CTNNA3: variants seen among roughly 807,000 people sequenced by gnomAD.
The protein encoded by CTNNA3 is catenin alpha 3.
In CTNNA3, 76 loss-of-function variants were observed where a neutral mutation model predicts 95.7. The observed-to-expected ratio is 0.79, with a 90% CI of 0.66 to 0.96. The LOEUF (loss-of-function observed/expected upper bound fraction) is 0.96, where lower values mean the gene tolerates loss of function less well. CTNNA3 is among the 40% of genes least tolerant of loss of function. The probability of loss-of-function intolerance (pLI) is 0.00; values close to 1 mark genes in which losing one functional copy is unlikely to be tolerated. For synonymous variants in CTNNA3, 431 were observed against 374.4 expected (o/e 1.15, Z -1.74); for missense variants, 1,191 against 1,089.8 (o/e 1.09, Z -1.31).
chr10:66,775,329 T>TA, intron 8 of CTNNA3, 115 bp downstream of exon 8: 2 of 710,296 alleles, frequency 2.8e-6, no homozygotes, highest in Non-Finnish European at 4.7e-6. Flanking sequence ...TTACTCTTTT[T>TA]TTCCTGTTCT....
At chr10:67,357,586 C>T (rs1842854982) in intron 5 of CTNNA3, among the ~76,000 whole-genome samples, 1 of 152,098 alleles carries the variant, frequency 6.6e-6, no homozygotes. Flanking sequence ...AACACAACAT[C>T]ATAAATATGT....
chr10:67,333,623 A>G (rs1001110993), intron 5 of CTNNA3, among the ~76,000 whole-genome samples: 15 of 152,192 alleles, frequency 9.9e-5, no homozygotes, highest in African/African-American at 3.6e-4. Context: ...TGATTCTAAA[A>G]AGGCATGGAA....
At chr10:66,485,643 A>G (rs945340800) in intron 11 of CTNNA3, among the ~76,000 whole-genome samples, 6 of 152,302 alleles carry the variant, frequency 3.9e-5, no homozygotes, top group South Asian at 4.1e-4. Context: ...GGAAGAATTA[A>G]TATTATTAAA....
intron 12 of CTNNA3, among the ~76,000 whole-genome samples, chr10:66,320,050 T>G (rs1308151701): frequency 6.6e-6 from 1 of 152,106 alleles, no homozygotes; most frequent in Non-Finnish European, 1.5e-5. Flanking sequence ...CAAACCTACA[T>G]TATACCTACG....
At chr10:66,637,734 C>G (rs548611990) in intron 9 of CTNNA3, among the ~76,000 whole-genome samples, 1 of 152,186 alleles carries the variant, frequency 6.6e-6, no homozygotes, top group East Asian at 1.9e-4. Flanking sequence ...ACACAGAGTA[C>G]AAAGCGTCCT....
chr10:67,434,645 T>A (rs919258557), intron 5 of CTNNA3, among the ~76,000 whole-genome samples: 17 of 152,066 alleles, frequency 1.1e-4, no homozygotes, highest in African/African-American at 4.1e-4. Flanking sequence ...CTCAAAGAAT[T>A]GCCTAAAATA....
In CTNNA3 at chr10:67,135,572, G is replaced by A. The variant is rs189576658; in HGVS notation, c.1047+44745C>T. Among the ~76,000 whole-genome samples the A allele has an allele frequency of 1.1e-3, 169 of 152,280 alleles. 1 individual carries two copies. The highest frequency in any genetic ancestry group is 3.9e-3 in the African/African-American group (163 of 41,564). On this transcript the variant is annotated intron_variant, in intron 7 of 17. Transcript: ENST00000433211. ...TGCCTGTAGTCCCAGCTACTCAGGA[G>A]GCTGAGGCAGGAGGATTACTTGAGC...
chr10:66,338,791 G>A (rs1221561210), intron 12 of CTNNA3, among the ~76,000 whole-genome samples: 1 of 151,788 alleles, frequency 6.6e-6, no homozygotes, highest in African/African-American at 2.4e-5. Context: ...TAGACATCAA[G>A]ACCCTTAATT....
rs145981773 is a variant in CTNNA3 at position 67,601,284 on chromosome 10, G to T, written c.292+5573C>A. Among the ~76,000 whole-genome samples the T allele has an allele frequency of 7.6e-3, 1,153 of 152,244 alleles. 12 individuals are homozygous for T. Among genetic ancestry groups the T allele is most frequent in the African/African-American group, 0.026 (1,097 of 41,548 alleles). On this transcript the variant is annotated intron_variant, in intron 3 of 17. Transcript: ENST00000433211. ...TATAATTTTTCCACAGATGGTGGAT[G>T]GGGGGAATGGGGATGGTTTCAGGAT... is the stretch of plus-strand genomic sequence containing the variant.
intron 9 of CTNNA3, among the ~76,000 whole-genome samples, chr10:66,712,838 AATAAGCTC>A (rs1404688068): frequency 1.3e-5 from 2 of 152,162 alleles, no homozygotes; most frequent in African/African-American, 2.4e-5. Context: ...CTACACCACA[AATAAGCTC>A]ATACCTTTAT....
At chr10:66,074,153 A>G (rs1386206228) in intron 14 of CTNNA3, among the ~76,000 whole-genome samples, 1 of 151,938 alleles carries the variant, frequency 6.6e-6, no homozygotes, top group Admixed American at 6.6e-5. Context: ...CTTGAAATGC[A>G]TCTATTCTGT....
intron 10 of CTNNA3, among the ~76,000 whole-genome samples, chr10:66,546,543 T>C (rs1842040684): frequency 6.6e-6 from 1 of 152,152 alleles, no homozygotes. Context: ...CTGTTTAGCA[T>C]GGTTGGGGAA....
chr10:66,366,240 G>A (rs1479357283), intron 12 of CTNNA3, among the ~76,000 whole-genome samples: 4 of 152,092 alleles, frequency 2.6e-5, no homozygotes, highest in Non-Finnish European at 5.9e-5. Context: ...AGAAACGTTT[G>A]CCCATTAACT....
chr10:67,439,271 TAAAG>T (rs1846412534), intron 5 of CTNNA3, among the ~76,000 whole-genome samples: 1 of 152,104 alleles, frequency 6.6e-6, no homozygotes. Context: ...TGCATTGTGA[TAAAG>T]AAATACCTGA....
At chr10:66,743,806 T>C (rs1003057431) in intron 9 of CTNNA3, among the ~76,000 whole-genome samples, 2 of 151,712 alleles carry the variant, frequency 1.3e-5, no homozygotes, top group Non-Finnish European at 2.9e-5. Flanking sequence ...TGAAATCCCG[T>C]CTCTGCCAAA....
At chr10:67,405,412 A>G (rs1667134268) in intron 5 of CTNNA3, among the ~76,000 whole-genome samples, 1 of 152,152 alleles carries the variant, frequency 6.6e-6, no homozygotes, top group Non-Finnish European at 1.5e-5. Flanking sequence ...CTAACAAAAA[A>G]AGACTTTAAA....
At chr10:67,118,020 T>G (rs777265159) in intron 7 of CTNNA3, among the ~76,000 whole-genome samples, 1 of 151,990 alleles carries the variant, frequency 6.6e-6, no homozygotes, top group Non-Finnish European at 1.5e-5. Context: ...TAATGTGAAG[T>G]GGGTGGAATT....
At chr10:67,712,359 A>C (rs1209238524) in intron 1 of CTNNA3, among the ~76,000 whole-genome samples, 1 of 152,072 alleles carries the variant, frequency 6.6e-6, no homozygotes, top group East Asian at 1.9e-4. Context: ...GCCAAGTGTT[A>C]AGCCCCAAGA....
At position 66,615,567 on chromosome 10, in the gene CTNNA3, T is replaced by C. The variant is rs7073948; in HGVS notation, c.1374+6125A>G. 4.7e-3 allele frequency among the ~76,000 whole-genome samples: 715 copies of C among 152,060 alleles called. 5 individuals carry two copies. Among genetic ancestry groups the C allele is most frequent in the African/African-American group, 0.017 (696 of 41,518 alleles). ...TATTGATTGATAAATAATTTATTTG[T>C]TGCCAAAAATAAAAATGTAAAAAAC... On this transcript the variant is annotated intron_variant, in intron 10 of 17. Coordinates refer to ENST00000433211, the MANE Select transcript of CTNNA3 (RefSeq NM_013266.4).
Sources: gnomAD v4.1 joint callset for allele counts (sites outside exome capture counted in the v4.1 genomes callset) on GRCh38, gnomAD v4.1.1 for gene constraint, MANE v1.5 for transcripts, NCBI Gene and HGNC (gene_info 2026-07-23, HGNC 2026-07-21) for gene names.